The following PCDHGA3 variants were observed in gnomAD, a reference collection of about 807,000 sequenced individuals.
PCDHGA3 encodes the protein protocadherin gamma-A3.
Under a neutral mutation model 58.5 loss-of-function variants are expected in PCDHGA3, and 40 were observed. The observed-to-expected ratio is 0.68, with a 90% CI of 0.53 to 0.89. PCDHGA3 has a LOEUF of 0.89. Among genes scored for constraint, PCDHGA3 ranks in the 40% least tolerant of loss-of-function variants. The pLI, the probability that PCDHGA3 is intolerant of heterozygous loss-of-function variation, is 0.00. For synonymous variants in PCDHGA3, 530 were observed against 525.7 expected (o/e 1.01, Z -0.11); for missense variants, 1,223 against 1,195.9 (o/e 1.02, Z -0.33).
intron 2 of PCDHGA3, among the ~76,000 whole-genome samples, chr5:141,501,703 G>A (rs183907124): frequency 6.6e-6 from 1 of 152,088 alleles, no homozygotes; most frequent in Non-Finnish European, 1.5e-5. Flanking sequence ...GTGATTCCGA[G>A]GATAAAAAAG....
At chr5:141,443,713 A>G (rs774603084) in intron 1 of PCDHGA3, among the ~76,000 whole-genome samples, 19 of 152,246 alleles carry the variant, frequency 1.2e-4, no homozygotes, top group Admixed American at 8.5e-4. Flanking sequence ...ACATTTGCAT[A>G]TAAAATTCCT....
chr5:141,409,670 T>C lies in PCDHGA3; in HGVS notation c.2424+63213T>C, dbSNP rs2095300697. 1.9e-6 allele frequency: 3 copies of C among 1,613,486 alleles called. No homozygotes were observed. In the East Asian group the frequency reaches 6.7e-5, roughly 36 times the overall value. ...GGGGCTCAATGGCCACATCTCCTACTCTATAGTGGCGAGTGACCTAGAGCC... is the reference window on the plus strand; with the variant it reads ...GGGGCTCAATGGCCACATCTCCTACCCTATAGTGGCGAGTGACCTAGAGCC... On this transcript the variant is annotated intron_variant, in intron 1 of 3. Transcript: ENST00000253812.
At chr5:141,392,303 A>G (rs2092505903) in intron 1 of PCDHGA3, 1 of 151,852 alleles carries the variant, frequency 6.6e-6, no homozygotes, top group South Asian at 2.1e-4. Context: ...TGAAAGTATC[A>G]TGTTTTTTTT....
At chr5:141,384,730 G>A (rs752038561) in intron 1 of PCDHGA3, 2 of 1,614,092 alleles carry the variant, frequency 1.2e-6, no homozygotes, top group East Asian at 2.2e-5. Context: ...CCTGCTTAAG[G>A]CCAGCGAGCC....
chr5:141,378,499 G>A (rs1220046096), intron 1 of PCDHGA3: 1 of 152,084 alleles, frequency 6.6e-6, no homozygotes, highest in Non-Finnish European at 1.5e-5. Context: ...CTCCAGTCTG[G>A]GTGACAGAGC....
chr5:141,404,466 TCTCTATTAA>T, intron 1 of PCDHGA3: 5 of 1,613,558 alleles, frequency 3.1e-6, no homozygotes, highest in Non-Finnish European at 4.2e-6. Context: ...TCCACCTATG[TCTCTATTAA>T]CTCAGACACT....
rs1465495058 is a variant in PCDHGA3 at position 141,345,922 on chromosome 5, G to T, written c.1889G>T (p.Arg630Leu). 2 of 1,613,412 alleles carry T rather than the reference G, an allele frequency of 1.2e-6. No homozygotes were observed. The highest frequency in any genetic ancestry group is 1.7e-6 in the Non-Finnish European group (2 of 1,179,844). The change falls in exon 1 of 4, where the codon CGA becomes CTA. Residue 630 changes from arginine (R) to leucine (L), a missense_variant. Transcript: ENST00000253812. ...CACACGGGCGAGGTGCGCACGGCGCGAGCCCTGCTGGACAGAGACGCGCTC... is the reference window on the plus strand; with the variant it reads ...CACACGGGCGAGGTGCGCACGGCGCTAGCCCTGCTGGACAGAGACGCGCTC... ...GLHTGEVRTARALLDRDALKQ... is the reference protein window; with the variant it reads ...GLHTGEVRTALALLDRDALKQ...
At chr5:141,456,057 C>T (rs2098842079) in intron 1 of PCDHGA3, among the ~76,000 whole-genome samples, 1 of 151,914 alleles carries the variant, frequency 6.6e-6, no homozygotes, top group South Asian at 2.1e-4. Context: ...ACCACCACGT[C>T]CGGCTAATTT....
intron 1 of PCDHGA3, among the ~76,000 whole-genome samples, chr5:141,474,726 A>G (rs549082085): frequency 6.6e-6 from 1 of 152,358 alleles, no homozygotes; most frequent in South Asian, 2.1e-4. Flanking sequence ...AAAGGACTCT[A>G]TGCAATCAAA....
At chr5:141,403,227 G>A (rs2094378929) in intron 1 of PCDHGA3, 4 of 1,608,848 alleles carry the variant, frequency 2.5e-6, no homozygotes, top group African/African-American at 1.3e-5. Flanking sequence ...AGGATAGACC[G>A]GGAGGAGCTC....
At chr5:141,383,781 G>A (rs1435690676) in intron 1 of PCDHGA3, 13 of 1,613,850 alleles carry the variant, frequency 8.1e-6, no homozygotes, top group Non-Finnish European at 1.1e-5. Context: ...TGTTTCATCT[G>A]AACTCGCTTA....
chr5:141,370,734 T>G (rs1056339551), intron 1 of PCDHGA3: 2 of 1,613,896 alleles, frequency 1.2e-6, no homozygotes, highest in Non-Finnish European at 1.7e-6. Context: ...TGAAAAGCCT[T>G]TAAACTTTTT....
intron 1 of PCDHGA3, among the ~76,000 whole-genome samples, chr5:141,470,888 T>C (rs2099243463): frequency 6.6e-6 from 1 of 151,912 alleles, no homozygotes; most frequent in Non-Finnish European, 1.5e-5. Context: ...GTTTTTGTTT[T>C]TGTTTTTTGT....
intron 1 of PCDHGA3, chr5:141,374,770 G>C (rs750704696): frequency 1.2e-6 from 2 of 1,613,694 alleles, no homozygotes; most frequent in Non-Finnish European, 1.7e-6. Flanking sequence ...CCCAAATTCT[G>C]GTAACAGTTC....
chr5:141,494,820 AC>A lies in PCDHGA3; in HGVS notation c.2439del (p.Asn813LysfsTer39). 6.2e-7 allele frequency: 1 copy of A among 1,613,988 alleles called. No homozygotes were observed. The highest frequency in any genetic ancestry group is 2.2e-5 in the East Asian group (1 of 44,874). On this transcript the variant is annotated frameshift_variant, in exon 2 of 4. Coordinates refer to ENST00000253812, the MANE Select transcript of PCDHGA3 (RefSeq NM_018916.4). LOFTEE classifies it high-confidence loss of function. ...TTTTCTCCACAGCAAGCCCCGCCCA[AC>A]ACGGACTGGCGTTTCTCTCAGGCCC... ...DSNLLQQAPP[N>X]TDWRFSQAQR...
rs779686795 is a variant in PCDHGA3, at chr5:141,476,566, G to A, written c.2425-18241G>A. On this transcript the variant is annotated intron_variant, in intron 1 of 3. Coordinates refer to ENST00000253812, the MANE Select transcript of PCDHGA3 (RefSeq NM_018916.4). The surrounding 1 kb of genome is among the most constrained non-coding windows in gnomAD (Gnocchi z 7.6). ...TGGAGATTAGCGAGGCCGTGGCTCC[G>A]GGGACGCGCTTTCCGCTCGAGAGCG... The A allele has an allele frequency of 1.2e-6, 2 of 1,614,062 alleles. No homozygotes were observed. Among genetic ancestry groups the A allele is most frequent in the East Asian group, 2.2e-5 (1 of 44,872 alleles).
chr5:141,409,748 G>A (rs2095311209), intron 1 of PCDHGA3: 1 of 1,613,018 alleles, frequency 6.2e-7, no homozygotes, highest in Non-Finnish European at 8.5e-7. Context: ...GGTGGTGTTC[G>A]CGCAGCGCGC....
At chr5:141,389,649 G>A in intron 1 of PCDHGA3, 2 of 1,612,716 alleles carry the variant, frequency 1.2e-6, no homozygotes, top group Non-Finnish European at 1.7e-6. Context: ...GGTGACCAAG[G>A]TAGTGGCGGT....
chr5:141,421,923 G>T (rs2096611568), intron 1 of PCDHGA3: 1 of 1,613,590 alleles, frequency 6.2e-7, no homozygotes. Flanking sequence ...TTCGTGTGGT[G>T]GTCCTCGATG....
Sources: gnomAD v4.1 joint callset for allele counts (sites outside exome capture counted in the v4.1 genomes callset) on GRCh38, gnomAD v4.1.1 for gene constraint, Gnocchi (gnomAD v3.1) non-coding constraint, MANE v1.5 for transcripts, NCBI Gene and HGNC (gene_info 2026-07-23, HGNC 2026-07-21) for gene names.